KLHL3: variants seen among roughly 807,000 people sequenced by gnomAD.
KLHL3 encodes the protein kelch like family member 3.
A neutral mutation model predicts 70.5 loss-of-function variants in KLHL3; 19 were observed. That is an observed-to-expected ratio of 0.27 (90% CI 0.19 to 0.40). The LOEUF is 0.40. KLHL3 is among the 10% of genes least tolerant of loss of function. The pLI is 1.00. For missense variants in KLHL3, 512 were observed against 771.1 expected, an observed-to-expected ratio of 0.66 and a Z score of 3.98; for synonymous variants, 258 against 290.3, an observed-to-expected ratio of 0.89 and a Z score of 1.13.
intron 6 of KLHL3, among the ~76,000 whole-genome samples, chr5:137,669,141 A>C (rs779707092): frequency 6.6e-6 from 1 of 152,144 alleles, no homozygotes; most frequent in Non-Finnish European, 1.5e-5. Flanking sequence ...TTACCCAACA[A>C]ATTAGTGAGA....
Position 137,659,746 on chromosome 5 carries a change from T to G in KLHL3, c.754-1466A>C, listed in dbSNP as rs186985988. On this transcript the variant is annotated intron_variant, in intron 7 of 14. Coordinates refer to ENST00000309755, the MANE Select transcript of KLHL3 (RefSeq NM_017415.3). ...TCAACTTTGGGGGTGATGACAAAGT[T>G]TTGGAAATCTTTATAGTAATGGTTG... Among the ~76,000 whole-genome samples, 19 of 152,300 alleles carry G rather than the reference T, an allele frequency of 1.2e-4. No homozygotes were observed. In the East Asian group the frequency reaches 2.7e-3, roughly 22 times the overall value.
rs565791141 is a variant in KLHL3 at position 137,637,528 on chromosome 5, C to T, written c.1220-133G>A. 38 of 696,224 alleles carry T rather than the reference C, an allele frequency of 5.5e-5. No individual in the cohort carries two copies. In the South Asian group the frequency reaches 5.8e-4, roughly 11 times the overall value. 43.1% of individuals were successfully genotyped at this position (696,224 alleles called of 1,614,324 possible). A position where few individuals can be genotyped will look rare whatever the true frequency, so the allele number is the denominator to read the frequency against. Reference sequence around the variant, plus strand: ...AATGTATGGCTCAGTACCACCTCTGCATCACCATGCGGCCTGTGGCAACTC... The same window carrying T: ...AATGTATGGCTCAGTACCACCTCTGTATCACCATGCGGCCTGTGGCAACTC... On this transcript the variant is annotated intron_variant, in intron 10 of 14. Coordinates refer to ENST00000309755, the MANE Select transcript of KLHL3 (RefSeq NM_017415.3).
At chr5:137,727,494 G>T (rs1309068656) in intron 1 of KLHL3, among the ~76,000 whole-genome samples, 2 of 152,130 alleles carry the variant, frequency 1.3e-5, no homozygotes, top group African/African-American at 4.8e-5. Context: ...GACCTAGCCT[G>T]GCCCTTAATC....
At chr5:137,670,416 A>G (rs1187141056) in intron 6 of KLHL3, among the ~76,000 whole-genome samples, 1 of 151,642 alleles carries the variant, frequency 6.6e-6, no homozygotes. Flanking sequence ...CAACCAATGA[A>G]AGGTGGCTTA....
At chr5:137,646,828 C>A (rs1437376944) in intron 8 of KLHL3, among the ~76,000 whole-genome samples, 2 of 152,184 alleles carry the variant, frequency 1.3e-5, no homozygotes, top group Non-Finnish European at 2.9e-5. Flanking sequence ...TTCAAGGTAA[C>A]CCTGAGTAAG....
At chr5:137,626,832 T>C (rs968176476) in intron 13 of KLHL3, among the ~76,000 whole-genome samples, 1 of 152,104 alleles carries the variant, frequency 6.6e-6, no homozygotes, top group Non-Finnish European at 1.5e-5. Context: ...GGTGAAACCC[T>C]GTCTCTACAA....
intron 14 of KLHL3, among the ~76,000 whole-genome samples, chr5:137,624,186 G>A (rs946629958): frequency 6.6e-6 from 1 of 152,120 alleles, no homozygotes; most frequent in South Asian, 2.1e-4. Flanking sequence ...GTATTTTGGA[G>A]CATTTCCTTA....
At chr5:137,699,096 AC>A (rs1478302713) in intron 3 of KLHL3, among the ~76,000 whole-genome samples, 1 of 152,114 alleles carries the variant, frequency 6.6e-6, no homozygotes, top group African/African-American at 2.4e-5. Context: ...ACTACGCTAT[AC>A]TAAATCCCAA....
At chr5:137,688,409 G>A (rs994717924) in intron 5 of KLHL3, among the ~76,000 whole-genome samples, 2 of 152,178 alleles carry the variant, frequency 1.3e-5, no homozygotes, top group African/African-American at 4.8e-5. Context: ...ACCCGACAGG[G>A]AAGAGAAGAA....
chr5:137,697,753 A>G (rs1055689907), intron 4 of KLHL3, among the ~76,000 whole-genome samples: 4 of 152,242 alleles, frequency 2.6e-5, no homozygotes, highest in African/African-American at 7.2e-5. Context: ...TAATTATCCA[A>G]GTTTGTAAAC....
chr5:137,623,032 G>A (rs777073839), intron 14 of KLHL3, among the ~76,000 whole-genome samples: 1 of 152,236 alleles, frequency 6.6e-6, no homozygotes, highest in South Asian at 2.1e-4. Context: ...GAATGCTCAC[G>A]CAAGGCCAAG....
intron 3 of KLHL3, among the ~76,000 whole-genome samples, chr5:137,704,735 C>T (rs1752650709): frequency 6.6e-6 from 1 of 152,140 alleles, no homozygotes; most frequent in Non-Finnish European, 1.5e-5. Context: ...TCTGTTGAAC[C>T]ACAAGCCAAA....
chr5:137,660,867 G>A (rs1010030671), intron 7 of KLHL3: 1 of 152,212 alleles, frequency 6.6e-6, no homozygotes, highest in African/African-American at 2.4e-5. Flanking sequence ...GAAAACTGAG[G>A]TTTAAAAAGG....
chr5:137,693,072 C>T (rs1011785200), intron 4 of KLHL3, among the ~76,000 whole-genome samples: 4 of 152,140 alleles, frequency 2.6e-5, no homozygotes, highest in Non-Finnish European at 5.9e-5. Flanking sequence ...CAGAAAGGTA[C>T]TTAATGAATG....
chr5:137,727,783 T>C lies in KLHL3; in HGVS notation c.15-7199A>G, dbSNP rs77030508. On this transcript the variant is annotated intron_variant, in intron 1 of 14. Coordinates refer to ENST00000309755, the MANE Select transcript of KLHL3 (RefSeq NM_017415.3). The stretch of plus-strand genomic sequence containing the variant: ...TGTATTCCCACAGTACTGTGCTTCC[T>C]TCTGTATTGTATTCTAATTACCTCT... Among the ~76,000 whole-genome samples, 437 of 152,292 alleles carry C rather than the reference T, an allele frequency of 2.9e-3. 2 individuals are homozygous for C. The highest frequency in any genetic ancestry group is 0.01 in the African/African-American group (424 of 41,576).
rs1466207276 is a variant in KLHL3, at chr5:137,649,799, A to G, written c.903+8332T>C. 2.6e-5 allele frequency among the ~76,000 whole-genome samples: 4 copies of G among 152,178 alleles called. 1 individual carries two copies. The highest frequency in any genetic ancestry group is 4.4e-5 in the Non-Finnish European group (3 of 68,024). Reference sequence around the variant, plus strand: ...GCTGGCACATGATAAGTGCTCAGTAATTGATATCTGCTGTTATCATTATTG... The same window carrying G: ...GCTGGCACATGATAAGTGCTCAGTAGTTGATATCTGCTGTTATCATTATTG... On this transcript the variant is annotated intron_variant, in intron 8 of 14. Transcript: ENST00000309755.
At chr5:137,697,917 A>G (rs1752482825) in intron 4 of KLHL3, among the ~76,000 whole-genome samples, 1 of 152,202 alleles carries the variant, frequency 6.6e-6, no homozygotes, top group South Asian at 2.1e-4. Flanking sequence ...AAAGTTATTC[A>G]CCTGTTTGAA....
intron 1 of KLHL3, among the ~76,000 whole-genome samples, chr5:137,728,677 T>TA (rs963133636): frequency 2.0e-5 from 3 of 152,144 alleles, no homozygotes; most frequent in Non-Finnish European, 2.9e-5. Context: ...GAAAGGATAC[T>TA]AAAAAACATG....
intron 2 of KLHL3, among the ~76,000 whole-genome samples, chr5:137,711,838 T>G (rs1408243381): frequency 6.6e-6 from 1 of 152,090 alleles, no homozygotes; most frequent in Non-Finnish European, 1.5e-5. Flanking sequence ...ATGAATAGAC[T>G]CATCTTGGAC....
Sources: gnomAD v4.1 joint callset for allele counts (sites outside exome capture counted in the v4.1 genomes callset) on GRCh38, gnomAD v4.1.1 for gene constraint, MANE v1.5 for transcripts, NCBI Gene and HGNC (gene_info 2026-07-23, HGNC 2026-07-21) for gene names.